The following OXR1 variants were observed in gnomAD, a reference collection of about 807,000 sequenced individuals.
OXR1 encodes the protein oxidation resistance 1.
In OXR1, 41 loss-of-function variants were observed where a neutral mutation model predicts 104.6. That is an observed-to-expected ratio of 0.39 (90% CI 0.31 to 0.51). OXR1 has a LOEUF of 0.51. Among genes scored for constraint, OXR1 ranks in the 20% least tolerant of loss-of-function variants. The pLI is 0.77. For synonymous variants in OXR1, 348 were observed against 348.4 expected, an observed-to-expected ratio of 1.00 and a Z score of 0.01; for missense variants, 955 against 1,031.9, an observed-to-expected ratio of 0.93 and a Z score of 1.02.
intron 3 of OXR1, among the ~76,000 whole-genome samples, chr8:106,607,915 T>A (rs908663235): frequency 1.3e-5 from 2 of 152,128 alleles, no homozygotes; most frequent in African/African-American, 4.8e-5. Flanking sequence ...CTCGGCTGTG[T>A]CTTTCTTTAA....
intron 3 of OXR1, among the ~76,000 whole-genome samples, chr8:106,574,419 A>C (rs907646296): frequency 1.3e-5 from 2 of 152,258 alleles, no homozygotes; most frequent in African/African-American, 4.8e-5. Context: ...GGATGGACAC[A>C]GAACCCTCCT....
Position 106,702,907 on chromosome 8 carries a change from G to A in OXR1, c.677G>A (p.Gly226Asp), listed in dbSNP as rs1830713759. The A allele has an allele frequency of 4.4e-6, 7 of 1,608,992 alleles. No individual in the cohort carries two copies. The highest frequency in any genetic ancestry group is 2.2e-5 in the East Asian group (1 of 44,806). The part of the protein sequence containing the change: ...INCKYITSGK[G>D]TVSGVLLVTP... ...TGTTACTTTCTTTTTTCACCTTAGG[G>A]CACAGTCAGTGGTGTGCTGCTAGTT... The change falls in exon 8 of 17, where the codon GGC (glycine) becomes GAC (aspartate). Residue 226 changes from glycine (G) to aspartate (D), a missense_variant and splice_region_variant. Physicochemically the swap from Gly to Asp is moderately conservative, Grantham distance 94. Around this residue, in one of 2 missense-constraint regions of OXR1, gnomAD observed 849 missense variants for 852.9 expected, o/e 1.00. Transcript: ENST00000517566.
intron 1 of OXR1, among the ~76,000 whole-genome samples, chr8:106,344,811 C>G (rs181104713): frequency 6.6e-6 from 1 of 152,238 alleles, no homozygotes; most frequent in East Asian, 1.9e-4. Context: ...TACCACATAC[C>G]CCTCACATTC....
intron 6 of OXR1, among the ~76,000 whole-genome samples, chr8:106,686,037 A>G (rs1314322463): frequency 1.3e-5 from 2 of 152,184 alleles, no homozygotes; most frequent in Non-Finnish European, 2.9e-5. Flanking sequence ...GGAAAACTAA[A>G]CATCGCACGT....
chr8:106,488,893 A>G (rs1810883406), intron 2 of OXR1, among the ~76,000 whole-genome samples: 1 of 151,726 alleles, frequency 6.6e-6, no homozygotes, highest in African/African-American at 2.4e-5. Context: ...CTTAGTATTG[A>G]CTTGGGGATG....
intron 1 of OXR1, among the ~76,000 whole-genome samples, 180 bp downstream of exon 1, chr8:106,270,547 CG>C (rs1811752855): frequency 6.6e-6 from 1 of 152,110 alleles, no homozygotes; most frequent in South Asian, 2.1e-4. Context: ...GATGCTCGAG[CG>C]GGGACGACGG....
chr8:106,602,413 T>A (rs189408660), intron 3 of OXR1, among the ~76,000 whole-genome samples: 1 of 152,172 alleles, frequency 6.6e-6, no homozygotes, highest in Non-Finnish European at 1.5e-5. Flanking sequence ...CTTTGAATTA[T>A]GTTTTGGAAG....
At chr8:106,292,521 A>G (rs979191112) in intron 1 of OXR1, among the ~76,000 whole-genome samples, 1 of 152,194 alleles carries the variant, frequency 6.6e-6, no homozygotes, top group East Asian at 1.9e-4. Context: ...AGATGTTCTG[A>G]TTGATGGCAA....
chr8:106,527,322 CA>C (rs1813758679), intron 3 of OXR1, among the ~76,000 whole-genome samples: 1 of 152,144 alleles, frequency 6.6e-6, no homozygotes, highest in Admixed American at 6.5e-5. Flanking sequence ...TTATATGAAA[CA>C]AGCCTCTTGT....
In OXR1 at chr8:106,482,417, G is replaced by GAA. The variant is rs5893792; in HGVS notation, c.24-36515_24-36514dup. On this transcript the variant is annotated intron_variant, in intron 2 of 16. Coordinates refer to ENST00000517566, the MANE Select transcript of OXR1 (RefSeq NM_001198533.2). ...GAAGAACAAGAGTTAGGAACTGGGGGAAAAAAAAAAAAGGCTCAAATCCCA... is the reference window on the plus strand; with the variant it reads ...GAAGAACAAGAGTTAGGAACTGGGGGAAAAAAAAAAAAAAGGCTCAAATCCCA... 9.4e-3 allele frequency among the ~76,000 whole-genome samples: 1,358 copies of GAA among 145,008 alleles called. 18 individuals are homozygous for GAA. Among genetic ancestry groups the GAA allele is most frequent in the African/African-American group, 0.031 (1,230 of 39,796 alleles).
At chr8:106,271,482 C>T (rs1417932369) in intron 1 of OXR1, among the ~76,000 whole-genome samples, 1 of 151,986 alleles carries the variant, frequency 6.6e-6, no homozygotes, top group Non-Finnish European at 1.5e-5. Context: ...CCCAGAGGTG[C>T]GGTGTTTTTG....
At chr8:106,688,728 T>A (rs990081229) in intron 6 of OXR1, among the ~76,000 whole-genome samples, 3 of 152,094 alleles carry the variant, frequency 2.0e-5, no homozygotes, top group African/African-American at 7.2e-5. Context: ...TTTTTAAAAA[T>A]GAGGAAAGTA....
chr8:106,468,332 C>A (rs1821292206), intron 2 of OXR1, among the ~76,000 whole-genome samples: 1 of 151,818 alleles, frequency 6.6e-6, no homozygotes, highest in African/African-American at 2.4e-5. Context: ...TTACCATGTT[C>A]CCAGAAGACT....
intron 2 of OXR1, among the ~76,000 whole-genome samples, chr8:106,515,881 A>C (rs900759329): frequency 5.3e-5 from 8 of 152,142 alleles, no homozygotes; most frequent in Admixed American, 4.6e-4. Context: ...GAAGGACTCC[A>C]TTCAGCTTGC....
chr8:106,580,015 T>C (rs1325752975), intron 3 of OXR1, among the ~76,000 whole-genome samples: 1 of 152,226 alleles, frequency 6.6e-6, no homozygotes, highest in Admixed American at 6.5e-5. Context: ...GGCCAGCATT[T>C]TCTTCCTGTG....
intron 6 of OXR1, among the ~76,000 whole-genome samples, chr8:106,690,390 A>G (rs1390598937): frequency 6.6e-6 from 1 of 151,124 alleles, no homozygotes; most frequent in African/African-American, 2.4e-5. Context: ...GTACTTTTTA[A>G]TAGATTATAC....
chr8:106,659,717 C>T (rs1432275672), intron 3 of OXR1, among the ~76,000 whole-genome samples: 7 of 152,150 alleles, frequency 4.6e-5, no homozygotes, highest in Admixed American at 2.6e-4. Flanking sequence ...CTGATTCATT[C>T]GGTGGCCCGT....
At chr8:106,580,126 C>T (rs1190707315) in intron 3 of OXR1, among the ~76,000 whole-genome samples, 3 of 152,158 alleles carry the variant, frequency 2.0e-5, no homozygotes, top group African/African-American at 7.2e-5. Flanking sequence ...TTTAAACCAT[C>T]TTAGCCATCT....
At chr8:106,583,679 A>T (rs546149187) in intron 3 of OXR1, among the ~76,000 whole-genome samples, 9 of 152,298 alleles carry the variant, frequency 5.9e-5, no homozygotes, top group African/African-American at 1.9e-4. Flanking sequence ...CAGTGGGAAT[A>T]ACTGAGAAGC....
Sources: gnomAD v4.1 joint callset for allele counts (sites outside exome capture counted in the v4.1 genomes callset) on GRCh38, gnomAD v4.1.1 for gene constraint, gnomAD v4.1.1 regional missense constraint, MANE v1.5 for transcripts, NCBI Gene and HGNC (gene_info 2026-07-23, HGNC 2026-07-21) for gene names.